VPS13B: variants seen among roughly 807,000 people sequenced by gnomAD.
VPS13B encodes vacuolar protein sorting 13 homolog B.
A neutral mutation model predicts 426.4 loss-of-function variants in VPS13B; 285 were observed. That is an observed-to-expected ratio of 0.67 (90% CI 0.61 to 0.74). The LOEUF (loss-of-function observed/expected upper bound fraction) is 0.74. Among genes scored for constraint, VPS13B ranks in the 30% least tolerant of loss-of-function variants. The probability of loss-of-function intolerance (pLI) is 0.00; values close to 1 mark genes in which losing one functional copy is unlikely to be tolerated. For missense variants in VPS13B, 4,537 were observed against 4,782.6 expected (o/e 0.95, Z 1.51); for synonymous variants, 1,676 against 1,676.4 (o/e 1.00, Z 0.01).
At chr8:99,269,657 CT>C (rs1563637891) in intron 17 of VPS13B, among the ~76,000 whole-genome samples, 1 of 152,166 alleles carries the variant, frequency 6.6e-6, no homozygotes, top group Non-Finnish European at 1.5e-5. Context: ...CTTATTTGCT[CT>C]TTTTGTTTCA....
At chr8:99,472,676 A>G (rs1483687992) in intron 24 of VPS13B, among the ~76,000 whole-genome samples, 1 of 151,974 alleles carries the variant, frequency 6.6e-6, no homozygotes, top group East Asian at 1.9e-4. Flanking sequence ...AAGATAATAA[A>G]GATATGAGCA....
chr8:99,248,174 T>C (rs529480873), intron 17 of VPS13B, among the ~76,000 whole-genome samples: 18 of 152,350 alleles, frequency 1.2e-4, no homozygotes, highest in Admixed American at 5.2e-4. Context: ...TGATGTTTAA[T>C]ATTCTTTTGG....
chr8:99,184,345 G>A (rs1009049255), intron 16 of VPS13B, among the ~76,000 whole-genome samples: 1 of 152,056 alleles, frequency 6.6e-6, no homozygotes, highest in Admixed American at 6.6e-5. Context: ...CAATGTATGA[G>A]GTTCTTGTTT....
chr8:99,013,436 C>T, intron 1 of VPS13B, 89 bp downstream of exon 1: 1 of 354,856 alleles, frequency 2.8e-6, no homozygotes, highest in South Asian at 2.4e-5. Context: ...GGCTGGGTTC[C>T]GGGAAGCGAG....
At chr8:99,179,494 G>T (rs1812827739) in intron 16 of VPS13B, among the ~76,000 whole-genome samples, 1 of 151,908 alleles carries the variant, frequency 6.6e-6, no homozygotes, top group Non-Finnish European at 1.5e-5. Flanking sequence ...TTACCAAATT[G>T]TTCACTATTA....
chr8:99,734,321 TA>T (rs1410192537), intron 39 of VPS13B, among the ~76,000 whole-genome samples: 1 of 152,210 alleles, frequency 6.6e-6, no homozygotes, highest in African/African-American at 2.4e-5. Flanking sequence ...TTACTTTACT[TA>T]GACTCTGTTG....
At chr8:99,340,956 C>T in intron 19 of VPS13B, 1 of 281,024 alleles carries the variant, frequency 3.6e-6, no homozygotes. Flanking sequence ...CTCCCCCTGG[C>T]TCATTTTATT....
intron 33 of VPS13B, among the ~76,000 whole-genome samples, chr8:99,620,775 C>T (rs1299315037): frequency 6.6e-6 from 1 of 151,276 alleles, no homozygotes; most frequent in Non-Finnish European, 1.5e-5. Flanking sequence ...AGTTTGAGAC[C>T]AGCCTGGCTA....
chr8:99,033,955 T>TGTTTTGAA (rs1842629205), intron 2 of VPS13B, among the ~76,000 whole-genome samples: 1 of 152,210 alleles, frequency 6.6e-6, no homozygotes, highest in Admixed American at 6.5e-5. Context: ...TTGGAATTGA[T>TGTTTTGAA]GTTTTGAAGT....
In VPS13B at chr8:99,121,157, G is replaced by T; in HGVS notation, c.938-20G>T. 2 of 1,604,676 alleles carry T rather than the reference G, an allele frequency of 1.2e-6. No individual in the cohort carries two copies. Among genetic ancestry groups the T allele is most frequent in the South Asian group, 2.2e-5 (2 of 89,956 alleles). ...TAAATCCTTTTGACTTATTTAAAATGACTTAATTTTAATTGATAGGTTCTG... is the reference window on the plus strand; with the variant it reads ...TAAATCCTTTTGACTTATTTAAAATTACTTAATTTTAATTGATAGGTTCTG... On this transcript the variant is annotated intron_variant, in intron 7 of 61. Transcript: ENST00000357162.
Position 99,577,586 on chromosome 8 carries a change from A to G in VPS13B, c.5173A>G (p.Ile1725Val), listed in dbSNP as rs371963567. The part of the protein sequence containing the change: ...VAQVQLLHQL[I>V]VANMTGLEPS... ...TCAAGTTCAACTCTTACATCAGTTA[A>G]TAGTAGCAAATATGACTGGACTGGA... Residue 1725 changes from isoleucine to valine, a missense_variant, in exon 33 of 62, where the codon ATA (isoleucine) becomes GTA (valine). Transcript: ENST00000357162. 2.5e-6 allele frequency: 4 copies of G among 1,613,758 alleles called. No homozygotes were observed. Among genetic ancestry groups the G allele is most frequent in the African/African-American group, 1.3e-5 (1 of 74,930 alleles).
At chr8:99,290,417 A>G (rs1819665736) in intron 19 of VPS13B, among the ~76,000 whole-genome samples, 1 of 152,022 alleles carries the variant, frequency 6.6e-6, no homozygotes, top group South Asian at 2.1e-4. Flanking sequence ...AAAAAACCAA[A>G]CACTGCATGT....
chr8:99,594,680 T>G (rs540739949), intron 33 of VPS13B, among the ~76,000 whole-genome samples: 5 of 152,120 alleles, frequency 3.3e-5, no homozygotes, highest in African/African-American at 7.2e-5. Flanking sequence ...CATAGACTTC[T>G]GTCCAGTTGA....
chr8:99,828,596 C>T (rs1466073366), intron 51 of VPS13B, among the ~76,000 whole-genome samples: 2 of 151,762 alleles, frequency 1.3e-5, no homozygotes, highest in Non-Finnish European at 2.9e-5. Context: ...AGCCCATTTA[C>T]ATTTAAAGTT....
At chr8:99,027,197 C>T (rs376653245) in intron 2 of VPS13B, among the ~76,000 whole-genome samples, 41 of 152,218 alleles carry the variant, frequency 2.7e-4, no homozygotes, top group African/African-American at 9.6e-4. Flanking sequence ...TTTGGTAATC[C>T]ATTCATCCAG....
intron 43 of VPS13B, 100 bp downstream of exon 43, chr8:99,784,576 C>T (rs538573678): frequency 7.4e-6 from 11 of 1,492,018 alleles, no homozygotes; most frequent in South Asian, 5.7e-5. Flanking sequence ...TTTAAGTCTC[C>T]GAAGGAACCA....
At chr8:99,569,958 G>A (rs529691710) in intron 31 of VPS13B, among the ~76,000 whole-genome samples, 5 of 152,044 alleles carry the variant, frequency 3.3e-5, no homozygotes, top group Non-Finnish European at 7.4e-5. Flanking sequence ...CTACATGATA[G>A]GTACAGATAA....
At chr8:99,538,544 G>T (rs1823384052) in intron 30 of VPS13B, among the ~76,000 whole-genome samples, 1 of 151,982 alleles carries the variant, frequency 6.6e-6, no homozygotes, top group South Asian at 2.1e-4. Flanking sequence ...TGTGTTTGAG[G>T]GTTGTTTATT....
At chr8:99,596,508 C>G (rs1444118017) in intron 33 of VPS13B, among the ~76,000 whole-genome samples, 2 of 151,964 alleles carry the variant, frequency 1.3e-5, no homozygotes, top group African/African-American at 2.4e-5. Flanking sequence ...GAGACCCTGT[C>G]TCCTCTCTTG....
Sources: gnomAD v4.1 joint callset for allele counts (sites outside exome capture counted in the v4.1 genomes callset) on GRCh38, gnomAD v4.1.1 for gene constraint, MANE v1.5 for transcripts, NCBI Gene and HGNC (gene_info 2026-07-23, HGNC 2026-07-21) for gene names.